The following RNF38 variants were observed in gnomAD, a reference collection of about 807,000 sequenced individuals.
The protein encoded by RNF38 is E3 ubiquitin-protein ligase RNF38.
RNF38 carries 15 observed loss-of-function variants against 67.2 expected under a neutral mutation model. The observed-to-expected ratio is 0.22, with a 90% CI of 0.15 to 0.34. The LOEUF (loss-of-function observed/expected upper bound fraction) is 0.34. Among genes scored for constraint, RNF38 ranks in the 10% least tolerant of loss-of-function variants. The probability of loss-of-function intolerance (pLI) is 1.00; values close to 1 mark genes in which losing one functional copy is unlikely to be tolerated. For synonymous variants in RNF38, 220 were observed against 218.8 expected, an observed-to-expected ratio of 1.01 and a Z score of -0.05; for missense variants, 524 against 639.9, an observed-to-expected ratio of 0.82 and a Z score of 1.95.
chr9:36,372,091 T>G (rs932695934), intron 3 of RNF38, among the ~76,000 whole-genome samples: 2 of 152,026 alleles, frequency 1.3e-5, no homozygotes, highest in African/African-American at 4.8e-5. Context: ...CCACCTTGCC[T>G]GGCTGATTTT....
rs747574262 is a variant in RNF38, at chr9:36,342,376, G to T, written c.1434C>A (p.Val478=). 1.2e-6 allele frequency: 2 copies of T among 1,613,924 alleles called. No homozygotes were observed. Among genetic ancestry groups the T allele is most frequent in the South Asian group, 2.2e-5 (2 of 91,076 alleles). ...CDFESRQLLR[V]LPCNHEFHAK... ...CATGGAACTCGTGGTTACAGGGTAA[G>T]ACTCTAAGTAGCTGCCTTGACTCAA... Residue 478 remains valine (V), a synonymous_variant, in exon 11 of 12, where the codon GTC becomes GTA. Transcript: ENST00000259605.
chr9:36,482,690 T>C (rs1247287683), intron 1 of RNF38, among the ~76,000 whole-genome samples: 1 of 152,174 alleles, frequency 6.6e-6, no homozygotes, highest in Admixed American at 6.5e-5. Context: ...TCTGTACATA[T>C]TTCTCCAGCC....
At chr9:36,340,508 T>C (rs993081780) in intron 11 of RNF38, among the ~76,000 whole-genome samples, 7 of 152,100 alleles carry the variant, frequency 4.6e-5, no homozygotes, top group Non-Finnish European at 1.0e-4. Context: ...TTCAGCTTCC[T>C]GAAAACCTAG....
At chr9:36,393,165 C>T (rs933164761) in intron 1 of RNF38, among the ~76,000 whole-genome samples, 1 of 152,172 alleles carries the variant, frequency 6.6e-6, no homozygotes, top group African/African-American at 2.4e-5. Context: ...GTACAAGTAG[C>T]TGGCTGGGAA....
At chr9:36,366,457 G>A (rs1834972238) in intron 4 of RNF38, among the ~76,000 whole-genome samples, 1 of 151,682 alleles carries the variant, frequency 6.6e-6, no homozygotes, top group Non-Finnish European at 1.5e-5. Context: ...TTCATGTTCT[G>A]TTTGATTCTG....
intron 1 of RNF38, among the ~76,000 whole-genome samples, chr9:36,437,507 C>T (rs940328011): frequency 2.0e-5 from 3 of 150,582 alleles, no homozygotes; most frequent in Non-Finnish European, 3.0e-5. Flanking sequence ...ATTCTAAAAA[C>T]CGAAGAAGAA....
intron 1 of RNF38, among the ~76,000 whole-genome samples, chr9:36,444,387 T>C (rs1314677588): frequency 6.6e-6 from 1 of 152,174 alleles, no homozygotes; most frequent in Non-Finnish European, 1.5e-5. Flanking sequence ...GGTTAATCTG[T>C]GCTGCAAACC....
At chr9:36,446,444 T>C (rs1020650066) in intron 1 of RNF38, among the ~76,000 whole-genome samples, 4 of 152,240 alleles carry the variant, frequency 2.6e-5, no homozygotes, top group Non-Finnish European at 4.4e-5. Flanking sequence ...GGGAATGGTT[T>C]GGAAACAACT....
intron 1 of RNF38, among the ~76,000 whole-genome samples, chr9:36,436,659 T>C (rs1274011716): frequency 8.6e-5 from 13 of 151,112 alleles, no homozygotes; most frequent in South Asian, 6.2e-4. Context: ...CCTTCTCTAC[T>C]AAAAATACAA....
At chr9:36,357,350 AG>A (rs1488592310) in intron 5 of RNF38, among the ~76,000 whole-genome samples, 1 of 152,188 alleles carries the variant, frequency 6.6e-6, no homozygotes, top group African/African-American at 2.4e-5. Context: ...AATAAGACAA[AG>A]CACTCAAAGT....
At chr9:36,359,150 A>G (rs1384887832) in intron 4 of RNF38, among the ~76,000 whole-genome samples, 1 of 152,044 alleles carries the variant, frequency 6.6e-6, no homozygotes, top group East Asian at 1.9e-4. Flanking sequence ...TGTCATAATC[A>G]TTTGTAATTT....
At position 36,337,797 on chromosome 9, in the gene RNF38, A is replaced by C; in HGVS notation, c.*1955T>G. The C allele has an allele frequency of 6.6e-6, 1 of 152,652 alleles. No individual in the cohort carries two copies. The highest frequency in any genetic ancestry group is 2.1e-4 in the South Asian group (1 of 4,834). The allele number at this position is 152,652 out of a possible 1,614,324, so 9.5% of individuals were successfully genotyped here. ...TTTAAAAGTAACATGTGCATTAACC[A>C]TGTGCATTTTTACCACTATTTAGAA... On this transcript the variant is annotated 3_prime_UTR_variant, in exon 12 of 12. Coordinates refer to ENST00000259605, the MANE Select transcript of RNF38 (RefSeq NM_022781.5).
rs1402536883 is a variant in RNF38, at chr9:36,337,541, G to A, written c.*2211C>T. ...ATTAGAAAAAGTGCTTTACTTGCAT[G>A]CTTCAATAAAATGAATACTGAGTGT... On this transcript the variant is annotated 3_prime_UTR_variant, in exon 12 of 12. Transcript: ENST00000259605. 6.6e-6 allele frequency: 1 copy of A among 152,622 alleles called. No homozygotes were observed. Among genetic ancestry groups the A allele is most frequent in the African/African-American group, 2.4e-5 (1 of 41,450 alleles). The allele number at this position is 152,622 out of a possible 1,614,324, so 9.5% of individuals were successfully genotyped here. A position where few individuals can be genotyped will look rare whatever the true frequency, so the allele number is the denominator to read the frequency against.
At chr9:36,378,774 G>A (rs570487788) in intron 2 of RNF38, among the ~76,000 whole-genome samples, 1 of 152,250 alleles carries the variant, frequency 6.6e-6, no homozygotes, top group African/African-American at 2.4e-5. Context: ...TAAAAGTAGA[G>A]GTAAGGAAAG....
chr9:36,373,774 C>G (rs1451088614), intron 3 of RNF38, among the ~76,000 whole-genome samples: 1 of 151,874 alleles, frequency 6.6e-6, no homozygotes, highest in Admixed American at 6.6e-5. Flanking sequence ...CCGCACCCGG[C>G]CTTGCTAGCC....
chr9:36,345,691 C>T (rs1321084261), intron 9 of RNF38, among the ~76,000 whole-genome samples: 1 of 152,148 alleles, frequency 6.6e-6, no homozygotes, highest in Non-Finnish European at 1.5e-5. Flanking sequence ...GACCAATTAA[C>T]GTTCAAATGT....
At chr9:36,487,498 CGCGGCGGCGGCGGCTGCTGAGGCG>C (rs1371659877) in exon 1 of RNF38, 1 of 977,138 alleles carries the variant, frequency 1.0e-6, no homozygotes, top group Non-Finnish European at 1.2e-6. Context: ...GCTGAAAGTG[CGCGGCGGCGGCGGCTGCTGAGGCG>C]GCGGCGGCAG....
chr9:36,386,495 G>A (rs1836647561), intron 2 of RNF38, among the ~76,000 whole-genome samples: 1 of 152,132 alleles, frequency 6.6e-6, no homozygotes, highest in African/African-American at 2.4e-5. Context: ...TTTAACTTTA[G>A]TAAATTTGTT....
chr9:36,390,065 A>G (rs1836955187), intron 2 of RNF38, among the ~76,000 whole-genome samples: 1 of 152,236 alleles, frequency 6.6e-6, no homozygotes, highest in South Asian at 2.1e-4. Context: ...GTTTTCTCTC[A>G]GAAATGTATG....
Sources: allele counts gnomAD v4.1 joint callset (sites outside exome capture counted in the v4.1 genomes callset), GRCh38; gene constraint gnomAD v4.1.1; transcripts MANE v1.5; gene names NCBI Gene and HGNC (gene_info 2026-07-23, HGNC 2026-07-21).